The following CIDEA variants were observed in gnomAD, a reference collection of about 807,000 sequenced individuals.
The protein encoded by CIDEA is lipid transferase CIDEA.
Under a neutral mutation model 18.2 loss-of-function variants are expected in CIDEA, and 10 were observed. That is an observed-to-expected ratio of 0.55 (90% CI 0.34 to 0.93). The LOEUF is 0.93. CIDEA is among the 40% of genes least tolerant of loss of function. The pLI, the probability that CIDEA is intolerant of heterozygous loss-of-function variation, is 0.02. For missense variants in CIDEA, 309 were observed against 293.1 expected (o/e 1.05, Z -0.40); for synonymous variants, 128 against 124.8 (o/e 1.03, Z -0.17).
intron 3 of CIDEA, 60 bp from the exon 4 acceptor site, chr18:12,274,033 G>A (rs1193188279): frequency 2.5e-6 from 4 of 1,572,972 alleles, no homozygotes; most frequent in Non-Finnish European, 2.6e-6. Context: ...TAAGAGCAGA[G>A]TGATGACGTG....
chr18:12,273,528 T>TGGTGCATGGCTTTGGGCTTCC (rs1235232777), intron 3 of CIDEA, among the ~76,000 whole-genome samples: 1 of 152,230 alleles, frequency 6.6e-6, no homozygotes, highest in Non-Finnish European at 1.5e-5. Flanking sequence ...CCAGGGGTTC[T>TGGTGCATGGCTTTGGGCTTCC]GCTGCATGGC....
intron 1 of CIDEA, among the ~76,000 whole-genome samples, chr18:12,258,240 C>T (rs775215343): frequency 2.9e-4 from 44 of 152,254 alleles, no homozygotes; most frequent in Non-Finnish European, 5.6e-4. Flanking sequence ...AAATGGTTGC[C>T]AGCTCTTATC....
chr18:12,254,957 G>A lies in CIDEA; in HGVS notation c.38+536G>A, dbSNP rs34939372. The A allele has an allele frequency of 0.2, 247,577 of 1,214,172 alleles. 26,599 individuals are homozygous for A. Among genetic ancestry groups the A allele is most frequent in the South Asian group, 0.25 (16,432 of 65,984 alleles). 75.2% of individuals were successfully genotyped at this position (1,214,172 alleles called of 1,614,324 possible). On this transcript the variant is annotated intron_variant, in intron 1 of 4. Transcript: ENST00000320477. ...CCAACCGTCCGGCGGAGCCCTCCAG[G>A]TTGGTGGTGCTGGGAGAAGCGCTCC...
At chr18:12,262,585 C>G (rs1049011432) in intron 1 of CIDEA, among the ~76,000 whole-genome samples, 2 of 152,284 alleles carry the variant, frequency 1.3e-5, no homozygotes. Context: ...AGAGTTTCAG[C>G]AAGGACTTTG....
intron 1 of CIDEA, among the ~76,000 whole-genome samples, chr18:12,256,378 A>AT (rs1382689479): frequency 1.3e-5 from 2 of 152,226 alleles, no homozygotes; most frequent in Non-Finnish European, 2.9e-5. Flanking sequence ...GTGCACAAAA[A>AT]TTTTTAAAAA....
At chr18:12,266,838 G>A (rs1222575609) in intron 3 of CIDEA, among the ~76,000 whole-genome samples, 2 of 149,842 alleles carry the variant, frequency 1.3e-5, no homozygotes, top group Non-Finnish European at 2.9e-5. Context: ...TCGGCTCACT[G>A]CAACTTCTGC....
At chr18:12,259,045 C>T (rs1598774122) in intron 1 of CIDEA, among the ~76,000 whole-genome samples, 1 of 152,200 alleles carries the variant, frequency 6.6e-6, no homozygotes, top group Non-Finnish European at 1.5e-5. Context: ...GAGAACCCTG[C>T]GTCACTCTCT....
rs146374213 is a variant in CIDEA, at chr18:12,262,761, G to C, written c.39-64G>C. 16 of 1,441,124 alleles carry C rather than the reference G, an allele frequency of 1.1e-5. No homozygotes were observed. In the East Asian group the frequency reaches 1.6e-4, roughly 15 times the overall value. 89.3% of individuals were successfully genotyped at this position (1,441,124 alleles called of 1,614,324 possible). The stretch of plus-strand genomic sequence containing the variant: ...AATATTAAAAATGCATTATTTTTAT[G>C]TACTTTCACACTTCTTCTGACAGAC... On this transcript the variant is annotated intron_variant, in intron 1 of 4. Coordinates refer to ENST00000320477, the MANE Select transcript of CIDEA (RefSeq NM_001279.4).
chr18:12,255,935 C>T (rs1912020276), intron 1 of CIDEA, among the ~76,000 whole-genome samples: 1 of 152,204 alleles, frequency 6.6e-6, no homozygotes, highest in African/African-American at 2.4e-5. Flanking sequence ...TTGGCTCATC[C>T]CAGGAGTGAA....
At chr18:12,256,535 TCA>T (rs1191598350) in intron 1 of CIDEA, among the ~76,000 whole-genome samples, 2 of 152,222 alleles carry the variant, frequency 1.3e-5, no homozygotes, top group Non-Finnish European at 2.9e-5. Context: ...AGGTTGACTA[TCA>T]CAGACAAAGT....
chr18:12,274,168 C>A lies in CIDEA; in HGVS notation c.406C>A (p.Leu136Met). The change falls in exon 4 of 5, where the codon CTG becomes ATG. Residue 136 changes from leucine (L) to methionine (M), a missense_variant. Physicochemically the swap from Leu to Met is conservative, Grantham distance 15 (BLOSUM62 2). Transcript: ENST00000320477. ...GAGAGTCACCTTCGACTTGTACAGG[C>A]TGAACCCCAAGGACTTCATCGGCTG... is the stretch of plus-strand genomic sequence containing the variant. ...IARVTFDLYR[L>M]NPKDFIGCLN... 6.2e-7 allele frequency: 1 copy of A among 1,614,236 alleles called. No homozygotes were observed. The highest frequency in any genetic ancestry group is 8.5e-7 in the Non-Finnish European group (1 of 1,180,050).
intron 3 of CIDEA, among the ~76,000 whole-genome samples, chr18:12,267,825 A>G (rs753041214): frequency 5.9e-5 from 9 of 152,044 alleles, no homozygotes; most frequent in African/African-American, 9.7e-5. Flanking sequence ...ACATGTGCCA[A>G]TCAGAGGTTC....
intron 2 of CIDEA, 76 bp downstream of exon 2, chr18:12,263,045 T>G: frequency 2.7e-6 from 4 of 1,476,658 alleles, no homozygotes; most frequent in Non-Finnish European, 3.7e-6. Flanking sequence ...TCTTGGGCTC[T>G]AAGCCAGGGC....
intron 1 of CIDEA, among the ~76,000 whole-genome samples, chr18:12,257,092 ACT>A (rs1189848116): frequency 1.3e-5 from 2 of 151,246 alleles, no homozygotes; most frequent in Non-Finnish European, 2.9e-5. Context: ...CAGCTCAGGG[ACT>A]CTTCTCCAGG....
intron 3 of CIDEA, 132 bp from the exon 4 acceptor site, chr18:12,273,961 C>G: frequency 3.3e-6 from 3 of 897,996 alleles, no homozygotes; most frequent in Non-Finnish European, 5.0e-6. Flanking sequence ...ATCTCTCTAT[C>G]GATTAGCCAC....
At position 12,273,167 on chromosome 18, in the gene CIDEA, C is replaced by T. The variant is rs191256392; in HGVS notation, c.331-926C>T. Reference sequence around the variant, plus strand: ...ACAGGGGAATAAAGAAGGCTGGCCACGGCGAGGAGGGTTTGGGTAATTTTA... The same window carrying T: ...ACAGGGGAATAAAGAAGGCTGGCCATGGCGAGGAGGGTTTGGGTAATTTTA... On this transcript the variant is annotated intron_variant, in intron 3 of 4. Transcript: ENST00000320477. Among the ~76,000 whole-genome samples, 398 of 152,252 alleles carry T rather than the reference C, an allele frequency of 2.6e-3. 3 individuals are homozygous for T. Among genetic ancestry groups the T allele is most frequent in the African/African-American group, 8.7e-3 (362 of 41,540 alleles).
chr18:12,254,450 G>A (rs1312345885), intron 1 of CIDEA, 29 bp downstream of exon 1: 3 of 1,596,244 alleles, frequency 1.9e-6, no homozygotes, highest in East Asian at 2.2e-5. Flanking sequence ...CCTGATTGCC[G>A]TGCGCTTCCA....
chr18:12,260,183 GTTTGTTTGTTT>G (rs1388187214), intron 1 of CIDEA, among the ~76,000 whole-genome samples: 4 of 370 alleles, frequency 0.011, no homozygotes, highest in Non-Finnish European at 0.026. Flanking sequence ...TTTTTTGTTT[GTTTGTTTGTTT>G]GTTTGTTTGT....
chr18:12,277,062 T>C lies in CIDEA; in HGVS notation c.513-61T>C, dbSNP rs146172310. Reference sequence around the variant, plus strand: ...TGGGGGGAGTGAAGTATTCCCATCCTGTCTGTTTCTCACTGGCCCAAAATC... The same window carrying C: ...TGGGGGGAGTGAAGTATTCCCATCCCGTCTGTTTCTCACTGGCCCAAAATC... On this transcript the variant is annotated intron_variant, in intron 4 of 4. Coordinates refer to ENST00000320477, the MANE Select transcript of CIDEA (RefSeq NM_001279.4). 1.8e-4 allele frequency: 292 copies of C among 1,591,412 alleles called. No individual in the cohort carries two copies. The African/African-American group carries it at 3.5e-3, about 19-fold the overall frequency.
Sources: gnomAD v4.1 joint callset for allele counts (sites outside exome capture counted in the v4.1 genomes callset) on GRCh38, gnomAD v4.1.1 for gene constraint, MANE v1.5 for transcripts, NCBI Gene and HGNC (gene_info 2026-07-23, HGNC 2026-07-21) for gene names.